The following SLC2A10 variants were observed in gnomAD, a reference collection of about 807,000 sequenced individuals.
SLC2A10 encodes the protein solute carrier family 2, facilitated glucose transporter member 10.
In SLC2A10, 25 loss-of-function variants were observed where a neutral mutation model predicts 32.1. That is an observed-to-expected ratio of 0.78 (90% CI 0.57 to 1.09). SLC2A10 has a LOEUF of 1.09. Among genes scored for constraint, SLC2A10 ranks in the 50% least tolerant of loss-of-function variants. The pLI, the probability that SLC2A10 is intolerant of heterozygous loss-of-function variation, is 0.00. For synonymous variants in SLC2A10, 332 were observed against 309.6 expected (o/e 1.07, Z -0.76); for missense variants, 673 against 686.5 (o/e 0.98, Z 0.22).
intron 3 of SLC2A10, 111 bp downstream of exon 3, chr20:46,727,097 C>A: frequency 1.5e-6 from 2 of 1,358,776 alleles, no homozygotes; most frequent in Non-Finnish European, 2.1e-6. Context: ...TTATTCTGTG[C>A]AGAAACATCA....
Position 46,729,405 on chromosome 20 carries a change from C to T in SLC2A10, c.1464C>T (p.Leu488=), listed in dbSNP as rs142639587. ...TGCTCTACGGACTGACCGCTGTCCT[C>T]GGCCTGGGCTTCATCTATTTATTTG... is the stretch of plus-strand genomic sequence containing the variant. The part of the protein sequence containing the change: ...TFLLYGLTAV[L]GLGFIYLFVP... Residue 488 remains leucine, a synonymous_variant, in exon 4 of 5, where the codon CTC becomes CTT. Transcript: ENST00000359271. 184 of 1,613,916 alleles carry T rather than the reference C, an allele frequency of 1.1e-4. No homozygotes were observed. Among genetic ancestry groups the T allele is most frequent in the Non-Finnish European group, 1.4e-4 (166 of 1,180,014 alleles).
In SLC2A10 at chr20:46,726,920, G is replaced by T. The variant is rs1224390882; in HGVS notation, c.1345G>T (p.Ala449Ser). Residue 449 changes from alanine (A) to serine (S), a missense_variant, in exon 3 of 5, where the codon GCC (alanine) becomes TCC (serine). Transcript: ENST00000359271. ...TGTGGAGATACGAGGAAGAGCCTTC[G>T]CCTTCTGCAACAGCTTCAACTGGGC... is the stretch of plus-strand genomic sequence containing the variant. The part of the protein sequence containing the change: ...YPVEIRGRAF[A>S]FCNSFNWAAN... The T allele has an allele frequency of 1.9e-6, 3 of 1,614,114 alleles. No homozygotes were observed. The highest frequency in any genetic ancestry group is 3.3e-4 in the Middle Eastern group (2 of 6,062).
At chr20:46,724,080 A>G (rs1979703899) in intron 1 of SLC2A10, among the ~76,000 whole-genome samples, 2 of 152,116 alleles carry the variant, frequency 1.3e-5, no homozygotes. Flanking sequence ...TGGGACTTTC[A>G]TGTCACTCAA....
At chr20:46,709,490 G>A (rs565032796), upstream of SLC2A10, 9 of 453,780 alleles carry the variant, frequency 2.0e-5, no homozygotes, top group East Asian at 1.5e-4. Flanking sequence ...GGGCGAGGGA[G>A]GGGGTCCTTG....
Position 46,726,230 on chromosome 20 carries a change from C to T in SLC2A10, c.1194C>T (p.Pro398=). 6.2e-7 allele frequency: 1 copy of T among 1,613,914 alleles called. No homozygotes were observed. The change falls in exon 2 of 5, where the codon CCC becomes CCT. Residue 398 remains proline (P), a synonymous_variant. Coordinates refer to ENST00000359271, the MANE Select transcript of SLC2A10 (RefSeq NM_030777.4). ...CCCTGAGCTCTGCCCTCCCTGGGCC[C>T]CCTCTGCCCGCTCGGGGGCATGCAC... ...RLALSSALPG[P]PLPARGHALL...
chr20:46,708,980 A>T (rs1978743967), upstream of SLC2A10, among the ~76,000 whole-genome samples: 1 of 151,994 alleles, frequency 6.6e-6, no homozygotes, highest in African/African-American at 2.4e-5. Context: ...CTAACCCACC[A>T]CCGTAGTTTA....
Position 46,726,892 on chromosome 20 carries a change from C to T in SLC2A10, c.1317C>T (p.Tyr439=). The part of the protein sequence containing the change: ...PVTWLVLSEI[Y]PVEIRGRAFA... ...CCTGGCTTGTCCTCAGCGAGATCTA[C>T]CCTGTGGAGATACGAGGAAGAGCCT... Residue 439 remains tyrosine, a synonymous_variant, in exon 3 of 5, where the codon TAC becomes TAT. Coordinates refer to ENST00000359271, the MANE Select transcript of SLC2A10 (RefSeq NM_030777.4). 1 of 1,614,180 alleles carries T rather than the reference C, an allele frequency of 6.2e-7. No homozygotes were observed. The highest frequency in any genetic ancestry group is 8.5e-7 in the Non-Finnish European group (1 of 1,180,036).
intron 1 of SLC2A10, chr20:46,714,598 T>A (rs3092439): frequency 0.62 from 93,936 of 152,498 alleles, 30,251 homozygotes; most frequent in East Asian, 0.99. Context: ...GCACGTGCAG[T>A]GGTGGAGCGG....
chr20:46,710,752 G>C (rs767913213), intron 1 of SLC2A10, among the ~76,000 whole-genome samples: 1 of 152,244 alleles, frequency 6.6e-6, no homozygotes, highest in Non-Finnish European at 1.5e-5. Context: ...GAGGTCAAAG[G>C]GATGGCAGAG....
rs896588818 is a variant in SLC2A10 at position 46,717,424 on chromosome 20, C to G, written c.5-7617C>G. 4.6e-5 allele frequency among the ~76,000 whole-genome samples: 7 copies of G among 152,212 alleles called. No individual in the cohort carries two copies. In the South Asian group the frequency reaches 1.5e-3, roughly 32 times the overall value. On this transcript the variant is annotated intron_variant, in intron 1 of 4. Coordinates refer to ENST00000359271, the MANE Select transcript of SLC2A10 (RefSeq NM_030777.4). The stretch of plus-strand genomic sequence containing the variant: ...TTTTTGAGATGGAGTCTTGCTCTGT[C>G]GCCCAGGCTGGAGTGCAGTGGTGCA...
chr20:46,727,028 A>C, intron 3 of SLC2A10, 42 bp downstream of exon 3: 1 of 1,613,998 alleles, frequency 6.2e-7, no homozygotes, highest in Non-Finnish European at 8.5e-7. Flanking sequence ...TCTGTGGCCC[A>C]AGCTCCCTAC....
chr20:46,716,416 G>C (rs1421282632), intron 1 of SLC2A10, among the ~76,000 whole-genome samples: 1 of 152,072 alleles, frequency 6.6e-6, no homozygotes, highest in South Asian at 2.1e-4. Flanking sequence ...GCCTCCCAAA[G>C]TGTTGGGATT....
At chr20:46,716,987 C>T (rs114666001) in intron 1 of SLC2A10, among the ~76,000 whole-genome samples, 3,597 of 152,146 alleles carry the variant, frequency 0.024, 155 homozygotes, top group African/African-American at 0.082. Context: ...TACGCCACTG[C>T]GCTCCAGCCT....
Position 46,726,138 on chromosome 20 carries a change from T to G in SLC2A10, c.1102T>G (p.Leu368Val). 5 of 1,614,228 alleles carry G rather than the reference T, an allele frequency of 3.1e-6. No homozygotes were observed. Among genetic ancestry groups the G allele is most frequent in the Non-Finnish European group, 4.2e-6 (5 of 1,180,024 alleles). The change falls in exon 2 of 5, where the codon TTG becomes GTG. Residue 368 changes from leucine (L) to valine (V), a missense_variant. Transcript: ENST00000359271. ...CAATGAGGACCAAAGGGAGCCAATC[T>G]TGTCCACTGCTAAGAAAACCAAGCC... ...RTNEDQREPILSTAKKTKPHP... is the reference protein window; with the variant it reads ...RTNEDQREPIVSTAKKTKPHP...
At chr20:46,709,369 G>C (rs1390349369), upstream of SLC2A10, 2 of 352,090 alleles carry the variant, frequency 5.7e-6, no homozygotes, top group East Asian at 1.1e-4. Context: ...AAGACAGTGC[G>C]TGTGGGGTCT....
intron 3 of SLC2A10, 26 bp from the exon 4 acceptor site, chr20:46,729,327 C>T: frequency 6.2e-7 from 1 of 1,612,764 alleles, no homozygotes; most frequent in Non-Finnish European, 8.5e-7. Flanking sequence ...GGTCCTGGGC[C>T]TACACTCCCG....
At chr20:46,728,329 G>C (rs1477427307) in intron 3 of SLC2A10, among the ~76,000 whole-genome samples, 1 of 152,134 alleles carries the variant, frequency 6.6e-6, no homozygotes, top group Non-Finnish European at 1.5e-5. Context: ...GGTGAGAATG[G>C]CTTCCAAAAC....
At chr20:46,710,099 C>A in intron 1 of SLC2A10, 1 of 458,332 alleles carries the variant, frequency 2.2e-6, no homozygotes, top group East Asian at 3.5e-5. Flanking sequence ...CAAAGCAGTT[C>A]ATCGATTCGC....
At position 46,717,413 on chromosome 20, in the gene SLC2A10, T is replaced by G. The variant is rs556553070; in HGVS notation, c.5-7628T>G. ...TTATTTATTTATTTTTGAGATGGAG[T>G]CTTGCTCTGTCGCCCAGGCTGGAGT... On this transcript the variant is annotated intron_variant, in intron 1 of 4. Transcript: ENST00000359271. Among the ~76,000 whole-genome samples the G allele has an allele frequency of 3.3e-5, 5 of 152,162 alleles. No individual in the cohort carries two copies. The East Asian group carries it at 7.7e-4, about 24-fold the overall frequency.
Sources: allele counts gnomAD v4.1 joint callset (sites outside exome capture counted in the v4.1 genomes callset), GRCh38; gene constraint gnomAD v4.1.1; transcripts MANE v1.5; gene names NCBI Gene and HGNC (gene_info 2026-07-23, HGNC 2026-07-21).